Variants in RNF38 observed in about 807,000 individuals in gnomAD.
RNF38 encodes the protein E3 ubiquitin-protein ligase RNF38.
Under a neutral mutation model 67.2 loss-of-function variants are expected in RNF38, and 15 were observed. The ratio of observed to expected loss-of-function variants is 0.22; its 90% CI spans 0.15 to 0.34. RNF38 has a LOEUF of 0.34. RNF38 is among the 10% of genes least tolerant of loss of function. RNF38 has a pLI of 1.00. For missense variants in RNF38, 524 were observed against 639.9 expected, an observed-to-expected ratio of 0.82 and a Z score of 1.95; for synonymous variants, 220 against 218.8, an observed-to-expected ratio of 1.01 and a Z score of -0.05.
chr9:36,347,450 A>G (rs558259494), intron 9 of RNF38, among the ~76,000 whole-genome samples: 11 of 152,298 alleles, frequency 7.2e-5, no homozygotes, highest in African/African-American at 1.9e-4. Flanking sequence ...TCATGTAGTC[A>G]TTTCATATCC....
intron 1 of RNF38, among the ~76,000 whole-genome samples, chr9:36,430,176 T>C (rs577058784): frequency 3.9e-5 from 6 of 152,108 alleles, no homozygotes; most frequent in Non-Finnish European, 8.8e-5. Context: ...GAAGGTGTAA[T>C]CAGAGAAAAG....
At chr9:36,389,954 TTCAA>T (rs1836943487) in intron 2 of RNF38, among the ~76,000 whole-genome samples, 1 of 152,220 alleles carries the variant, frequency 6.6e-6, no homozygotes. Context: ...CCTAATGAGT[TTCAA>T]TCCATTTACA....
At chr9:36,400,335 G>A, upstream of RNF38, 1 of 1,244,986 alleles carries the variant, frequency 8.0e-7, no homozygotes. Flanking sequence ...CCTGCGTCTC[G>A]GCAAAAAGGG....
At chr9:36,477,723 G>C (rs1187680637) in intron 1 of RNF38, among the ~76,000 whole-genome samples, 1 of 151,398 alleles carries the variant, frequency 6.6e-6, no homozygotes, top group Non-Finnish European at 1.5e-5. Context: ...CAGGGAGGCT[G>C]AGGCAGGAGA....
upstream of RNF38, among the ~76,000 whole-genome samples, chr9:36,405,634 G>C (rs1838159424): frequency 6.6e-6 from 1 of 152,062 alleles, no homozygotes; most frequent in Non-Finnish European, 1.5e-5. Context: ...TAAATGTTTG[G>C]GAAAATTTGC....
chr9:36,475,966 G>C (rs1264768819), intron 1 of RNF38, among the ~76,000 whole-genome samples: 2 of 145,178 alleles, frequency 1.4e-5, no homozygotes, highest in African/African-American at 5.1e-5. Flanking sequence ...CCGAGATAAT[G>C]CCACTGTACT....
At chr9:36,420,165 C>T in intron 2 of RNF38, among the ~76,000 whole-genome samples, 1 of 152,132 alleles carries the variant, frequency 6.6e-6, no homozygotes, top group East Asian at 1.9e-4. Context: ...TTAATCTGTG[C>T]CTCAGATTCC....
At chr9:36,438,673 A>C (rs1839124452) in intron 1 of RNF38, among the ~76,000 whole-genome samples, 2 of 152,156 alleles carry the variant, frequency 1.3e-5, no homozygotes. Context: ...AGGTTAGCAC[A>C]CTCAGGCATT....
At chr9:36,399,678 G>C (rs890356662) in intron 1 of RNF38, among the ~76,000 whole-genome samples, 1 of 151,782 alleles carries the variant, frequency 6.6e-6, no homozygotes, top group Non-Finnish European at 1.5e-5. Context: ...ATGTGGTTTC[G>C]TATTATCTCT....
chr9:36,480,945 C>A (rs1350041654), intron 1 of RNF38, among the ~76,000 whole-genome samples: 1 of 151,916 alleles, frequency 6.6e-6, no homozygotes, highest in Non-Finnish European at 1.5e-5. Flanking sequence ...CACAATATCT[C>A]ACTCTCTTAT....
chr9:36,451,463 T>C (rs1839438080), intron 1 of RNF38, among the ~76,000 whole-genome samples: 1 of 142,376 alleles, frequency 7.0e-6, no homozygotes, highest in Admixed American at 7.0e-5. Context: ...TGAAACTCCA[T>C]CTTAAAGAAG....
chr9:36,376,759 C>T (rs1835816566), intron 2 of RNF38, among the ~76,000 whole-genome samples: 3 of 151,920 alleles, frequency 2.0e-5, no homozygotes, highest in South Asian at 4.2e-4. Flanking sequence ...AATCCCGTCT[C>T]TACTAAAAAC....
In RNF38 at chr9:36,400,211, A is replaced by C; in HGVS notation, c.-103T>G. 6.6e-7 allele frequency: 1 copy of C among 1,517,902 alleles called. No homozygotes were observed. The highest frequency in any genetic ancestry group is 8.8e-7 in the Non-Finnish European group (1 of 1,134,570). The allele number at this position is 1,517,902 out of a possible 1,614,324, so 94.0% of individuals were successfully genotyped here. A position where few individuals can be genotyped will look rare whatever the true frequency, so the allele number is the denominator to read the frequency against. The stretch of plus-strand genomic sequence containing the variant: ...TCACGCTTCAACCCTGAAAGGAAGA[A>C]CTTGCATCCCCTGAGAACAAAACGC... On this transcript the variant is annotated 5_prime_UTR_variant, in exon 1 of 12. Transcript: ENST00000259605.
At chr9:36,364,689 C>T (rs1834811874) in intron 4 of RNF38, among the ~76,000 whole-genome samples, 1 of 152,134 alleles carries the variant, frequency 6.6e-6, no homozygotes, top group Non-Finnish European at 1.5e-5. Flanking sequence ...GCTACTTTGC[C>T]CACCTGTTCT....
chr9:36,351,044 A>T, intron 9 of RNF38, 71 bp downstream of exon 9: 2 of 1,122,806 alleles, frequency 1.8e-6, no homozygotes, highest in Non-Finnish European at 2.6e-6. Flanking sequence ...CCTGTGGTTT[A>T]AAGAGTTAAG....
chr9:36,372,848 C>A (rs1365554080), intron 3 of RNF38, among the ~76,000 whole-genome samples: 1 of 152,130 alleles, frequency 6.6e-6, no homozygotes, highest in Non-Finnish European at 1.5e-5. Flanking sequence ...GACTTACATC[C>A]TAATGAAACT....
chr9:36,474,665 C>G (rs1840082097), intron 1 of RNF38, among the ~76,000 whole-genome samples: 2 of 148,044 alleles, frequency 1.4e-5, no homozygotes, highest in Admixed American at 1.3e-4. Context: ...CCTTAGGGGA[C>G]TGCAGTGAGG....
chr9:36,442,538 T>C (rs971367750), intron 1 of RNF38, among the ~76,000 whole-genome samples: 2 of 152,098 alleles, frequency 1.3e-5, no homozygotes, highest in South Asian at 2.1e-4. Flanking sequence ...TCCCAGCACT[T>C]TGGGAGGCCG....
At chr9:36,352,078 T>C (rs1833734236) in intron 8 of RNF38, among the ~76,000 whole-genome samples, 1 of 152,168 alleles carries the variant, frequency 6.6e-6, no homozygotes, top group African/African-American at 2.4e-5. Flanking sequence ...GATGGGCGGA[T>C]CACCTGAGGT....
Sources: gnomAD v4.1 joint callset for allele counts (sites outside exome capture counted in the v4.1 genomes callset) on GRCh38, gnomAD v4.1.1 for gene constraint, MANE v1.5 for transcripts, NCBI Gene and HGNC (gene_info 2026-07-23, HGNC 2026-07-21) for gene names.